The following CACNA2D3 variants were observed in gnomAD, a reference collection of about 807,000 sequenced individuals.
CACNA2D3 encodes voltage-dependent calcium channel subunit alpha-2/delta-3.
CACNA2D3 carries 60 observed loss-of-function variants against 160.6 expected under a neutral mutation model. That is an observed-to-expected ratio of 0.37 (90% CI 0.30 to 0.46). CACNA2D3 has a LOEUF of 0.46. CACNA2D3 is among the 20% of genes least tolerant of loss of function. CACNA2D3 has a pLI of 1.00. For synonymous variants in CACNA2D3, 558 were observed against 492.9 expected (o/e 1.13, Z -1.75); for missense variants, 1,205 against 1,365.0 (o/e 0.88, Z 1.85).
At chr3:54,873,216 G>A (rs1189520254) in intron 18 of CACNA2D3, among the ~76,000 whole-genome samples, 1 of 152,116 alleles carries the variant, frequency 6.6e-6, no homozygotes, top group Non-Finnish European at 1.5e-5. Flanking sequence ...GTTCTGGGGA[G>A]TAAGTAAGCA....
At chr3:54,900,844 T>TC (rs1266023796) in intron 27 of CACNA2D3, among the ~76,000 whole-genome samples, 1 of 152,148 alleles carries the variant, frequency 6.6e-6, no homozygotes, top group Non-Finnish European at 1.5e-5. Context: ...ACTGCTTTTT[T>TC]CCCCCCACTT....
At chr3:54,555,579 C>A (rs1424297889) in intron 5 of CACNA2D3, among the ~76,000 whole-genome samples, 1 of 152,206 alleles carries the variant, frequency 6.6e-6, no homozygotes, top group Non-Finnish European at 1.5e-5. Flanking sequence ...TCTTCACATA[C>A]AAATTGTAAA....
chr3:54,419,939 T>A (rs1418015361), intron 4 of CACNA2D3, among the ~76,000 whole-genome samples: 1 of 151,972 alleles, frequency 6.6e-6, no homozygotes, highest in African/African-American at 2.4e-5. Flanking sequence ...CTAATTTTTG[T>A]ATTTTTAGTA....
intron 5 of CACNA2D3, among the ~76,000 whole-genome samples, chr3:54,519,564 T>C (rs1701612837): frequency 6.6e-6 from 1 of 152,230 alleles, no homozygotes; most frequent in Non-Finnish European, 1.5e-5. Flanking sequence ...TGCCTCCTTT[T>C]CAGGCAACAC....
intron 11 of CACNA2D3, among the ~76,000 whole-genome samples, chr3:54,735,018 G>T (rs530933583): frequency 6.6e-6 from 1 of 152,332 alleles, no homozygotes; most frequent in East Asian, 1.9e-4. Context: ...GTCTTTCTCT[G>T]CCCTAGCGTG....
intron 11 of CACNA2D3, among the ~76,000 whole-genome samples, chr3:54,726,967 G>A (rs1701288681): frequency 1.3e-5 from 2 of 152,210 alleles, no homozygotes; most frequent in Non-Finnish European, 2.9e-5. Flanking sequence ...TATCGTCAGA[G>A]TGAACAGGCA....
intron 35 of CACNA2D3, among the ~76,000 whole-genome samples, chr3:55,061,781 T>C (rs1484478682): frequency 4.6e-5 from 7 of 152,186 alleles, no homozygotes; most frequent in Admixed American, 1.3e-4. Context: ...TCTGAACCCA[T>C]TGCTTTCTCC....
chr3:54,551,894 G>T (rs1702163779), intron 5 of CACNA2D3, among the ~76,000 whole-genome samples: 1 of 152,216 alleles, frequency 6.6e-6, no homozygotes, highest in African/African-American at 2.4e-5. Flanking sequence ...AAAGGAAGGA[G>T]TGGGTTCCTC....
intron 11 of CACNA2D3, among the ~76,000 whole-genome samples, chr3:54,668,661 T>C (rs1006405601): frequency 2.6e-5 from 4 of 152,230 alleles, no homozygotes; most frequent in African/African-American, 7.2e-5. Context: ...TCACCAACCC[T>C]GCAGGGATTG....
intron 3 of CACNA2D3, among the ~76,000 whole-genome samples, chr3:54,322,102 G>A (rs1704015892): frequency 6.6e-6 from 1 of 152,200 alleles, no homozygotes; most frequent in Non-Finnish European, 1.5e-5. Context: ...GGGGAGCATT[G>A]GGAGTGGAAG....
At chr3:54,736,202 T>A (rs544428749) in intron 11 of CACNA2D3, among the ~76,000 whole-genome samples, 1 of 148,404 alleles carries the variant, frequency 6.7e-6, no homozygotes, top group Non-Finnish European at 1.5e-5. Context: ...ATATGGGGCA[T>A]TTTGTAACCT....
intron 15 of CACNA2D3, 46 bp from the exon 16 acceptor site, chr3:54,838,522 C>T (rs1698745613): frequency 2.1e-6 from 3 of 1,455,858 alleles, no homozygotes; most frequent in Non-Finnish European, 2.9e-6. Context: ...ATTTCTTTTG[C>T]CAAGTTAACT....
intron 27 of CACNA2D3, among the ~76,000 whole-genome samples, chr3:54,909,708 A>G (rs1426685484): frequency 6.8e-6 from 1 of 148,002 alleles, no homozygotes; most frequent in African/African-American, 2.5e-5. Flanking sequence ...TGTGTGCAAC[A>G]CAGGTGGAGA....
intron 24 of CACNA2D3, among the ~76,000 whole-genome samples, chr3:54,890,501 AAAAAAAAAAAAAAG>A (rs1328419479): frequency 3.3e-5 from 5 of 151,334 alleles, no homozygotes; most frequent in Non-Finnish European, 7.4e-5. Flanking sequence ...GTCTCAAAAA[AAAAAAAAAAAAAAG>A]AAAAAGAAAG....
At chr3:54,513,556 C>T (rs1227413437) in intron 5 of CACNA2D3, among the ~76,000 whole-genome samples, 4 of 152,192 alleles carry the variant, frequency 2.6e-5, no homozygotes, top group African/African-American at 4.8e-5. Flanking sequence ...GGGCAATCAG[C>T]ATGCAAGCCT....
chr3:55,040,854 A>G (rs936507706), intron 35 of CACNA2D3, among the ~76,000 whole-genome samples: 3 of 152,238 alleles, frequency 2.0e-5, no homozygotes, highest in Admixed American at 6.5e-5. Context: ...AAAATGAGGT[A>G]ATTTAGAGCA....
At chr3:54,180,281 T>C (rs182657677) in intron 2 of CACNA2D3, among the ~76,000 whole-genome samples, 1 of 152,280 alleles carries the variant, frequency 6.6e-6, no homozygotes, top group East Asian at 1.9e-4. Flanking sequence ...GTGGGAACCA[T>C]GCTCAGGCCC....
chr3:54,207,547 C>G (rs1264636096), intron 2 of CACNA2D3, among the ~76,000 whole-genome samples: 1 of 152,190 alleles, frequency 6.6e-6, no homozygotes, highest in Non-Finnish European at 1.5e-5. Flanking sequence ...CTCCCTTGCA[C>G]AAACCCACTG....
intron 17 of CACNA2D3, among the ~76,000 whole-genome samples, chr3:54,858,710 T>C (rs1417310069): frequency 6.6e-6 from 1 of 152,204 alleles, no homozygotes; most frequent in Non-Finnish European, 1.5e-5. Context: ...GGAGATGGAC[T>C]TGACCGAGAG....
Sources: allele counts gnomAD v4.1 joint callset (sites outside exome capture counted in the v4.1 genomes callset), GRCh38; gene constraint gnomAD v4.1.1; transcripts MANE v1.5; gene names NCBI Gene and HGNC (gene_info 2026-07-23, HGNC 2026-07-21).